Variants in SLC39A10 observed in about 807,000 individuals in gnomAD.
SLC39A10 encodes the protein solute carrier family 39 member 10.
A neutral mutation model predicts 65.1 loss-of-function variants in SLC39A10; 13 were observed. That is an observed-to-expected ratio of 0.20 (90% CI 0.13 to 0.32). The LOEUF is 0.32. Ranked by LOEUF, SLC39A10 falls within the 10% of genes least tolerant of loss-of-function variation. The pLI, the probability that SLC39A10 is intolerant of heterozygous loss-of-function variation, is 1.00. For missense variants in SLC39A10, 831 were observed against 1,018.4 expected, an observed-to-expected ratio of 0.82 and a Z score of 2.50; for synonymous variants, 321 against 342.2, an observed-to-expected ratio of 0.94 and a Z score of 0.68.
chr2:195,696,550 C>T (rs545337307), intron 3 of SLC39A10, among the ~76,000 whole-genome samples: 1 of 152,114 alleles, frequency 6.6e-6, no homozygotes, highest in East Asian at 1.9e-4. Context: ...ATTTGCATAG[C>T]ATTTATATTG....
At chr2:195,621,463 T>G (rs1053778220) in intron 2 of SLC39A10, among the ~76,000 whole-genome samples, 1 of 152,226 alleles carries the variant, frequency 6.6e-6, no homozygotes, top group Non-Finnish European at 1.5e-5. Flanking sequence ...GTTTGTTTTC[T>G]TGGTACTGAA....
chr2:195,650,730 G>A (rs1327437352), intron 2 of SLC39A10, among the ~76,000 whole-genome samples: 1 of 152,068 alleles, frequency 6.6e-6, no homozygotes, highest in Non-Finnish European at 1.5e-5. Context: ...CAAATAGCCT[G>A]AAACTCGGTT....
chr2:195,713,731 A>C (rs567615294), intron 6 of SLC39A10, among the ~76,000 whole-genome samples, 178 bp downstream of exon 6: 3 of 152,312 alleles, frequency 2.0e-5, no homozygotes, highest in Admixed American at 2.0e-4. Flanking sequence ...GCAGCTGAAT[A>C]ATTTATTTAC....
chr2:195,617,293 T>G (rs1293272331), intron 2 of SLC39A10, among the ~76,000 whole-genome samples: 1 of 152,208 alleles, frequency 6.6e-6, no homozygotes, highest in East Asian at 1.9e-4. Context: ...CCGGGCGTAG[T>G]GGCTCATGCC....
At chr2:195,686,543 C>T (rs183211139) in intron 3 of SLC39A10, among the ~76,000 whole-genome samples, 109 of 152,230 alleles carry the variant, frequency 7.2e-4, no homozygotes, top group Admixed American at 1.3e-3. Flanking sequence ...AGTGAGACTC[C>T]GTCTCAAAAC....
intron 8 of SLC39A10, 114 bp downstream of exon 8, chr2:195,718,446 T>C (rs1691898990): frequency 3.1e-6 from 2 of 649,954 alleles, no homozygotes; most frequent in African/African-American, 1.8e-5. Flanking sequence ...ATGGCAACTA[T>C]AGTGTCACTA....
intron 1 of SLC39A10, among the ~76,000 whole-genome samples, chr2:195,677,629 T>C (rs540301638): frequency 1.6e-4 from 25 of 152,356 alleles, no homozygotes; most frequent in African/African-American, 4.8e-4. Context: ...GTCATTTTTT[T>C]CCCAATATTT....
At chr2:195,682,401 CAT>C (rs1490864235) in intron 2 of SLC39A10, among the ~76,000 whole-genome samples, 2 of 152,072 alleles carry the variant, frequency 1.3e-5, no homozygotes, top group African/African-American at 2.4e-5. Flanking sequence ...TTTAAAATAA[CAT>C]ATATTAAGAT....
intron 8 of SLC39A10, among the ~76,000 whole-genome samples, chr2:195,725,614 G>A (rs1203371408): frequency 6.6e-6 from 1 of 152,098 alleles, no homozygotes; most frequent in Non-Finnish European, 1.5e-5. Flanking sequence ...ATAGGTGTCT[G>A]CCCAAGAGAA....
intron 9 of SLC39A10, among the ~76,000 whole-genome samples, chr2:195,729,511 C>T (rs1305404961): frequency 2.0e-5 from 3 of 152,136 alleles, no homozygotes; most frequent in African/African-American, 7.2e-5. Flanking sequence ...TTCTGCTTAC[C>T]TTGCTGTATC....
At chr2:195,614,232 A>G (rs1688159198) in intron 2 of SLC39A10, among the ~76,000 whole-genome samples, 1 of 152,218 alleles carries the variant, frequency 6.6e-6, no homozygotes, top group Admixed American at 6.5e-5. Context: ...CTTGAGAAGT[A>G]TTTGCTGCTT....
chr2:195,663,600 CT>C (rs1330778404), intron 1 of SLC39A10, among the ~76,000 whole-genome samples: 1 of 150,874 alleles, frequency 6.6e-6, no homozygotes, highest in African/African-American at 2.4e-5. Flanking sequence ...TCCCATGGAC[CT>C]TTTTTAGAAA....
At chr2:195,665,071 C>T (rs1023950802) in intron 1 of SLC39A10, among the ~76,000 whole-genome samples, 1 of 152,088 alleles carries the variant, frequency 6.6e-6, no homozygotes, top group African/African-American at 2.4e-5. Context: ...CGCCTGTAAT[C>T]CCAGCGCTTT....
chr2:195,645,293 C>A (rs1688892116), intron 2 of SLC39A10, among the ~76,000 whole-genome samples: 1 of 152,042 alleles, frequency 6.6e-6, no homozygotes, highest in Non-Finnish European at 1.5e-5. Context: ...ATTGCCTATA[C>A]ATTTTGGTAA....
Position 195,728,412 on chromosome 2 carries a change from G to T in SLC39A10, c.2337+63G>T. 6.9e-7 allele frequency: 1 copy of T among 1,445,994 alleles called. No individual in the cohort carries two copies. Among genetic ancestry groups the T allele is most frequent in the Non-Finnish European group, 9.4e-7 (1 of 1,062,754 alleles). 89.6% of individuals were successfully genotyped at this position (1,445,994 alleles called of 1,614,324 possible). On this transcript the variant is annotated intron_variant, in intron 9 of 9. Transcript: ENST00000359634. The surrounding 1 kb of genome is among the most constrained non-coding windows in gnomAD (Gnocchi z 4.4). ...CAAATGAAAGAAATCCTTGGAAGTG[G>T]TTTGAAGCCAAACTATTTTTGAAAA... is the stretch of plus-strand genomic sequence containing the variant.
At chr2:195,695,863 A>G (rs1452609797) in intron 3 of SLC39A10, among the ~76,000 whole-genome samples, 1 of 152,132 alleles carries the variant, frequency 6.6e-6, no homozygotes. Flanking sequence ...TCTCAAATCT[A>G]ATGTTGTGAA....
intron 3 of SLC39A10, among the ~76,000 whole-genome samples, chr2:195,688,005 A>G (rs1343245942): frequency 1.3e-5 from 2 of 152,320 alleles, no homozygotes; most frequent in East Asian, 3.9e-4. Context: ...AAAAGAATGC[A>G]TTTTCTCTCT....
intron 1 of SLC39A10, among the ~76,000 whole-genome samples, chr2:195,672,348 C>G (rs1689898747): frequency 6.6e-6 from 1 of 152,012 alleles, no homozygotes; most frequent in Non-Finnish European, 1.5e-5. Flanking sequence ...CTAGGCTGGC[C>G]TCAAACTCCT....
intron 3 of SLC39A10, among the ~76,000 whole-genome samples, chr2:195,689,161 G>A (rs913619453): frequency 1.3e-5 from 2 of 152,164 alleles, no homozygotes; most frequent in Non-Finnish European, 2.9e-5. Context: ...TGTAATCTCA[G>A]CACTTTGACA....
Sources: allele counts gnomAD v4.1 joint callset (sites outside exome capture counted in the v4.1 genomes callset), GRCh38; gene constraint gnomAD v4.1.1; non-coding constraint Gnocchi (gnomAD v3.1); transcripts MANE v1.5; gene names NCBI Gene and HGNC (gene_info 2026-07-23, HGNC 2026-07-21).